The following ASIC2 variants were observed in gnomAD, a reference collection of about 807,000 sequenced individuals.
The protein encoded by ASIC2 is acid sensing ion channel subunit 2.
Under a neutral mutation model 57.3 loss-of-function variants are expected in ASIC2, and 25 were observed. The observed-to-expected ratio is 0.44, with a 90% CI of 0.32 to 0.61. The LOEUF (loss-of-function observed/expected upper bound fraction) is 0.61, where lower values mean the gene tolerates loss of function less well. Ranked by LOEUF, ASIC2 falls within the 20% of genes least tolerant of loss-of-function variation. The probability of loss-of-function intolerance (pLI) is 0.06; values close to 1 mark genes in which losing one functional copy is unlikely to be tolerated. For missense variants in ASIC2, 641 were observed against 738.1 expected (o/e 0.87, Z 1.52); for synonymous variants, 319 against 307.5 (o/e 1.04, Z -0.39).
intron 1 of ASIC2, among the ~76,000 whole-genome samples, chr17:34,140,024 A>T (rs1288075702): frequency 6.6e-6 from 1 of 152,250 alleles, no homozygotes; most frequent in Non-Finnish European, 1.5e-5. Context: ...TCTTGATTGT[A>T]TCTTCAATGG....
intron 1 of ASIC2, among the ~76,000 whole-genome samples, chr17:33,777,944 C>T (rs951503318): frequency 2.0e-5 from 3 of 152,158 alleles, no homozygotes; most frequent in East Asian, 3.9e-4. Context: ...GCCCTGCTGA[C>T]TCTCATTTCC....
chr17:33,339,071 C>A (rs1045546328), intron 1 of ASIC2, among the ~76,000 whole-genome samples: 1 of 151,822 alleles, frequency 6.6e-6, no homozygotes, highest in African/African-American at 2.4e-5. Flanking sequence ...AATTTTATGT[C>A]TTGTGTTTTT....
intron 3 of ASIC2, among the ~76,000 whole-genome samples, chr17:33,083,243 T>C (rs1391019746): frequency 6.6e-6 from 1 of 152,148 alleles, no homozygotes; most frequent in Non-Finnish European, 1.5e-5. Flanking sequence ...ATCCTTGCTC[T>C]CAGAGGGCTC....
chr17:33,647,630 G>T (rs1906785717), intron 1 of ASIC2, among the ~76,000 whole-genome samples: 1 of 152,232 alleles, frequency 6.6e-6, no homozygotes, highest in South Asian at 2.1e-4. Context: ...ATGAGTGTGT[G>T]TGCCTGTGCA....
At chr17:33,202,504 G>T (rs536107677) in intron 1 of ASIC2, among the ~76,000 whole-genome samples, 1 of 152,312 alleles carries the variant, frequency 6.6e-6, no homozygotes, top group Admixed American at 6.5e-5. Flanking sequence ...GGTGCACAGT[G>T]TGGCCAGCAG....
intron 1 of ASIC2, chr17:34,082,088 T>C (rs997077721): frequency 6.6e-6 from 1 of 152,200 alleles, no homozygotes; most frequent in African/African-American, 2.4e-5. Context: ...CCTCATACTT[T>C]CATCCACGAA....
At chr17:33,079,465 T>C (rs1160250867) in intron 3 of ASIC2, among the ~76,000 whole-genome samples, 3 of 151,068 alleles carry the variant, frequency 2.0e-5, no homozygotes, top group Non-Finnish European at 4.4e-5. Flanking sequence ...GCTGGGGGAG[T>C]AGAGTGAGAG....
intron 1 of ASIC2, among the ~76,000 whole-genome samples, chr17:34,057,217 C>G (rs1017480806): frequency 6.6e-6 from 1 of 152,128 alleles, no homozygotes; most frequent in Non-Finnish European, 1.5e-5. Flanking sequence ...AGTTAGATAC[C>G]ACATTCCTCT....
At chr17:33,246,601 A>G (rs1309059859) in intron 1 of ASIC2, among the ~76,000 whole-genome samples, 1 of 152,234 alleles carries the variant, frequency 6.6e-6, no homozygotes, top group African/African-American at 2.4e-5. Context: ...ACCCCTGCTC[A>G]GGAGGAAATA....
At chr17:33,067,375 G>T (rs1369836889) in intron 3 of ASIC2, among the ~76,000 whole-genome samples, 1 of 152,208 alleles carries the variant, frequency 6.6e-6, no homozygotes, top group Admixed American at 6.5e-5. Flanking sequence ...ATTTGTATAT[G>T]AGTAGCTAGA....
intron 7 of ASIC2, among the ~76,000 whole-genome samples, chr17:33,018,829 T>TG (rs1240231967): frequency 6.6e-6 from 1 of 150,714 alleles, no homozygotes; most frequent in African/African-American, 2.4e-5. Context: ...GAATTGGGTT[T>TG]GGGGGGCACA....
chr17:33,440,098 T>C lies in ASIC2; in HGVS notation c.556-328031A>G, dbSNP rs566047449. On this transcript the variant is annotated intron_variant, in intron 1 of 9. Coordinates refer to the ASIC2 transcript ENST00000359872. ...TAGTGCAATCATCATAATCCAGCCT[T>C]AGAACATTTCCGTCCCCTCAAAATG... Among the ~76,000 whole-genome samples the C allele has an allele frequency of 5.3e-5, 8 of 152,318 alleles. No homozygotes were observed. In the East Asian group the frequency reaches 1.5e-3, roughly 29 times the overall value.
chr17:33,329,450 A>G (rs963493483), intron 1 of ASIC2, among the ~76,000 whole-genome samples: 2 of 152,100 alleles, frequency 1.3e-5, no homozygotes, highest in Non-Finnish European at 2.9e-5. Flanking sequence ...TGGGTGGAGG[A>G]CCCAGACTCT....
At chr17:33,910,245 C>T (rs1434868469) in intron 1 of ASIC2, among the ~76,000 whole-genome samples, 1 of 152,134 alleles carries the variant, frequency 6.6e-6, no homozygotes, top group Non-Finnish European at 1.5e-5. Context: ...TAGAAAATAA[C>T]AATATATCAA....
chr17:33,813,494 T>C lies in ASIC2; in HGVS notation c.555+342484A>G, dbSNP rs567296246. On this transcript the variant is annotated intron_variant, in intron 1 of 9. Transcript: ENST00000359872. ...CTCTGTCGCCCAGGCTGGAGTGCAG[T>C]GGCACAATCTTGGCTCACTGCAAGC... is the stretch of plus-strand genomic sequence containing the variant. Among the ~76,000 whole-genome samples, 17 of 152,344 alleles carry C rather than the reference T, an allele frequency of 1.1e-4. No homozygotes were observed. The South Asian group carries it at 3.1e-3, about 28-fold the overall frequency.
intron 1 of ASIC2, among the ~76,000 whole-genome samples, chr17:33,774,214 C>T (rs1911198890): frequency 6.6e-6 from 1 of 152,142 alleles, no homozygotes; most frequent in Non-Finnish European, 1.5e-5. Context: ...ATTTCAGAAT[C>T]GCTTTTCTCT....
chr17:33,023,592 CT>C (rs1411980355), intron 6 of ASIC2, among the ~76,000 whole-genome samples: 2 of 152,160 alleles, frequency 1.3e-5, no homozygotes, highest in Admixed American at 1.3e-4. Flanking sequence ...ATGCATCCCC[CT>C]ATGATAGCCA....
At chr17:33,182,568 G>T (rs567982389) in intron 1 of ASIC2, among the ~76,000 whole-genome samples, 1 of 152,078 alleles carries the variant, frequency 6.6e-6, no homozygotes, top group Non-Finnish European at 1.5e-5. Context: ...ATTTTGATTT[G>T]TTCTTTTTTA....
chr17:33,588,674 A>T (rs1346715112), intron 1 of ASIC2, among the ~76,000 whole-genome samples: 1 of 152,226 alleles, frequency 6.6e-6, no homozygotes, highest in African/African-American at 2.4e-5. Flanking sequence ...AGGAGACAAG[A>T]TCGCATCACA....
Sources: allele counts gnomAD v4.1 joint callset (sites outside exome capture counted in the v4.1 genomes callset), GRCh38; gene constraint gnomAD v4.1.1; transcripts MANE v1.5; gene names NCBI Gene and HGNC (gene_info 2026-07-23, HGNC 2026-07-21).